The following SPOCK1 variants were observed in gnomAD, a reference collection of about 807,000 sequenced individuals.
The protein encoded by SPOCK1 is testican-1.
A neutral mutation model predicts 55.3 loss-of-function variants in SPOCK1; 23 were observed. The observed-to-expected ratio is 0.42, with a 90% CI of 0.30 to 0.59. The LOEUF is 0.59. Ranked by LOEUF, SPOCK1 falls within the 20% of genes least tolerant of loss-of-function variation. The pLI is 0.22. For synonymous variants in SPOCK1, 226 were observed against 221.0 expected (o/e 1.02, Z -0.20); for missense variants, 499 against 552.5 (o/e 0.90, Z 0.97).
intron 6 of SPOCK1, among the ~76,000 whole-genome samples, chr5:137,032,805 A>G (rs528175669): frequency 2.6e-5 from 4 of 152,306 alleles, no homozygotes; most frequent in Admixed American, 2.0e-4. Context: ...ACTCAGAAGC[A>G]TGGTGGTAAC....
intron 2 of SPOCK1, among the ~76,000 whole-genome samples, chr5:137,410,459 A>C (rs577072703): frequency 2.2e-4 from 34 of 152,354 alleles, no homozygotes; most frequent in Non-Finnish European, 4.4e-4. Context: ...GGCTGCAGGA[A>C]GCCAGGGAAA....
chr5:137,463,324 GC>G (rs1753529167), intron 2 of SPOCK1, among the ~76,000 whole-genome samples: 1 of 152,150 alleles, frequency 6.6e-6, no homozygotes, highest in African/African-American at 2.4e-5. Flanking sequence ...GTCCTATTCA[GC>G]CATACAAAAG....
Position 137,143,283 on chromosome 5 carries a change from C to T in SPOCK1, c.233-2589G>A, listed in dbSNP as rs559073794. 4.2e-3 allele frequency among the ~76,000 whole-genome samples: 638 copies of T among 152,308 alleles called. 1 individual carries two copies. Among genetic ancestry groups the T allele is most frequent in the Non-Finnish European group, 7.0e-3 (473 of 68,034 alleles). On this transcript the variant is annotated intron_variant, in intron 3 of 10. Coordinates refer to ENST00000394945, the MANE Select transcript of SPOCK1 (RefSeq NM_004598.4). ...TGTCAAAATCTGCAGTACTACATGA[C>T]AAGCTTTGTGGCAGAATTTGAGCTT...
At chr5:137,285,847 G>C (rs1220231424) in intron 2 of SPOCK1, among the ~76,000 whole-genome samples, 2 of 152,252 alleles carry the variant, frequency 1.3e-5, no homozygotes, top group African/African-American at 4.8e-5. Flanking sequence ...GCCAGGCAGG[G>C]CTCACCCTCC....
At chr5:137,475,476 C>G (rs578178621) in intron 2 of SPOCK1, among the ~76,000 whole-genome samples, 5 of 152,246 alleles carry the variant, frequency 3.3e-5, no homozygotes, top group African/African-American at 1.2e-4. Context: ...TTAATGCAAA[C>G]TTGATATCAT....
intron 2 of SPOCK1, among the ~76,000 whole-genome samples, chr5:137,481,539 G>A (rs1202729376): frequency 6.6e-6 from 1 of 152,250 alleles, no homozygotes; most frequent in Non-Finnish European, 1.5e-5. Context: ...TATTTCTGCA[G>A]AAGCTCAACC....
chr5:137,402,241 GT>G (rs1182546359), intron 2 of SPOCK1, among the ~76,000 whole-genome samples: 1 of 152,076 alleles, frequency 6.6e-6, no homozygotes, highest in Non-Finnish European at 1.5e-5. Context: ...AAGCTGTTAG[GT>G]TTCTCTTGGA....
chr5:137,097,888 C>T (rs919782392), intron 5 of SPOCK1, among the ~76,000 whole-genome samples: 2 of 152,146 alleles, frequency 1.3e-5, no homozygotes, highest in Non-Finnish European at 2.9e-5. Flanking sequence ...TGCCTGCTGC[C>T]GTTACCACCA....
chr5:137,072,485 T>A lies in SPOCK1; in HGVS notation c.475-4656A>T, dbSNP rs1752639874. On this transcript the variant is annotated intron_variant, in intron 5 of 10. Transcript: ENST00000394945. ...TGACGACATGAACAGGCAGATACAC[T>A]CAAAATGTTGACCTACTTAAAAATA... Among the ~76,000 whole-genome samples, 3 of 152,162 alleles carry A rather than the reference T, an allele frequency of 2.0e-5. 1 individual carries two copies. Among genetic ancestry groups the A allele is most frequent in the Admixed American group, 2.0e-4 (3 of 15,286 alleles).
intron 2 of SPOCK1, among the ~76,000 whole-genome samples, chr5:137,314,663 A>G (rs1402509953): frequency 6.6e-6 from 1 of 152,170 alleles, no homozygotes; most frequent in Non-Finnish European, 1.5e-5. Flanking sequence ...TTGTTTATCC[A>G]CAGCTACAGT....
intron 3 of SPOCK1, among the ~76,000 whole-genome samples, chr5:137,254,596 A>C (rs1756599406): frequency 2.0e-5 from 3 of 152,250 alleles, no homozygotes; most frequent in Non-Finnish European, 4.4e-5. Context: ...GTAAATATGT[A>C]CGTATGTGTG....
intron 3 of SPOCK1, among the ~76,000 whole-genome samples, chr5:137,225,715 A>G (rs11242375): frequency 0.39 from 60,021 of 152,080 alleles, 12,932 homozygotes; most frequent in Non-Finnish European, 0.47. Context: ...TATCATCAGA[A>G]GTACTGATTC....
At chr5:137,478,007 C>T (rs1475469773) in intron 2 of SPOCK1, among the ~76,000 whole-genome samples, 1 of 152,206 alleles carries the variant, frequency 6.6e-6, no homozygotes, top group Non-Finnish European at 1.5e-5. Context: ...TGAAGTTCCC[C>T]TTCTTTTCCT....
chr5:137,218,755 T>G (rs1755766546), intron 3 of SPOCK1, among the ~76,000 whole-genome samples: 1 of 152,024 alleles, frequency 6.6e-6, no homozygotes, highest in South Asian at 2.1e-4. Flanking sequence ...TCCCCTACAT[T>G]TAAGGTGTAC....
intron 3 of SPOCK1, among the ~76,000 whole-genome samples, chr5:137,173,080 G>A (rs139823701): frequency 6.6e-6 from 1 of 152,266 alleles, no homozygotes; most frequent in Non-Finnish European, 1.5e-5. Context: ...TAGTGGGAAT[G>A]CAGCTTCCAT....
At chr5:137,391,962 C>T (rs1443791337) in intron 2 of SPOCK1, among the ~76,000 whole-genome samples, 1 of 152,162 alleles carries the variant, frequency 6.6e-6, no homozygotes, top group Admixed American at 6.5e-5. Flanking sequence ...GCCACAGCTC[C>T]CTGAAACTGC....
At chr5:137,085,841 T>C (rs1352559773) in intron 5 of SPOCK1, among the ~76,000 whole-genome samples, 2 of 152,164 alleles carry the variant, frequency 1.3e-5, no homozygotes, top group African/African-American at 4.8e-5. Context: ...CACCATTGTT[T>C]GTTTACCTCC....
At chr5:137,097,123 C>G (rs1753164245) in intron 5 of SPOCK1, among the ~76,000 whole-genome samples, 1 of 151,402 alleles carries the variant, frequency 6.6e-6, no homozygotes. Flanking sequence ...TCACGCAAAT[C>G]ACACCTACTT....
At chr5:137,372,210 T>C (rs1045045527) in intron 2 of SPOCK1, among the ~76,000 whole-genome samples, 2 of 152,138 alleles carry the variant, frequency 1.3e-5, no homozygotes, top group African/African-American at 4.8e-5. Flanking sequence ...GTCTAAAGAA[T>C]GATAAAACAG....
Sources: allele counts gnomAD v4.1 joint callset (sites outside exome capture counted in the v4.1 genomes callset), GRCh38; gene constraint gnomAD v4.1.1; transcripts MANE v1.5; gene names NCBI Gene and HGNC (gene_info 2026-07-23, HGNC 2026-07-21).